The following ANKS1B variants were observed in gnomAD, a reference collection of about 807,000 sequenced individuals.
ANKS1B encodes ankyrin repeat and sterile alpha motif domain containing 1B, also known as ankyrin repeat and sterile alpha motif domain-containing protein 1B.
In ANKS1B, 36 loss-of-function variants were observed where a neutral mutation model predicts 148.3. The ratio of observed to expected loss-of-function variants is 0.24; its 90% CI spans 0.19 to 0.32. The LOEUF is 0.32. Among genes scored for constraint, ANKS1B ranks in the 10% least tolerant of loss-of-function variants. The pLI, the probability that ANKS1B is intolerant of heterozygous loss-of-function variation, is 1.00. For missense variants in ANKS1B, 1,157 were observed against 1,542.6 expected, an observed-to-expected ratio of 0.75 and a Z score of 4.19; for synonymous variants, 542 against 560.8, an observed-to-expected ratio of 0.97 and a Z score of 0.47.
chr12:99,776,511 A>C (rs1435163720), intron 6 of ANKS1B, among the ~76,000 whole-genome samples: 1 of 152,204 alleles, frequency 6.6e-6, no homozygotes. Context: ...CATAAAGAAA[A>C]CAGCATCTGA....
intron 8 of ANKS1B, among the ~76,000 whole-genome samples, chr12:99,695,611 C>T (rs2053773007): frequency 6.6e-6 from 1 of 152,050 alleles, no homozygotes; most frequent in East Asian, 1.9e-4. Flanking sequence ...ATAAGATATG[C>T]CACTTAAAAT....
intron 10 of ANKS1B, among the ~76,000 whole-genome samples, chr12:99,466,401 A>G (rs953990882): frequency 5.9e-5 from 9 of 151,992 alleles, no homozygotes; most frequent in Non-Finnish European, 1.0e-4. Context: ...GAGCAAACAC[A>G]TTCAAAAGCT....
At chr12:99,687,302 T>A (rs1458736664) in intron 8 of ANKS1B, among the ~76,000 whole-genome samples, 1 of 152,144 alleles carries the variant, frequency 6.6e-6, no homozygotes, top group Non-Finnish European at 1.5e-5. Flanking sequence ...TTATTTTAAA[T>A]ATGACTCAAT....
chr12:99,676,681 G>A (rs1032761016), intron 8 of ANKS1B, among the ~76,000 whole-genome samples: 1 of 152,168 alleles, frequency 6.6e-6, no homozygotes, highest in Non-Finnish European at 1.5e-5. Context: ...TTGAGCTTAT[G>A]AAATGCATGC....
intron 12 of ANKS1B, among the ~76,000 whole-genome samples, chr12:99,375,513 A>T (rs2093354938): frequency 6.6e-6 from 1 of 152,314 alleles, no homozygotes; most frequent in East Asian, 1.9e-4. Context: ...TTCATGACTC[A>T]CCTATAGTAA....
chr12:99,252,770 C>T (rs902199895), intron 12 of ANKS1B, among the ~76,000 whole-genome samples: 1 of 152,192 alleles, frequency 6.6e-6, no homozygotes, highest in Non-Finnish European at 1.5e-5. Flanking sequence ...AACAAGACCA[C>T]AGGAAGTAGC....
intron 4 of ANKS1B, among the ~76,000 whole-genome samples, chr12:99,798,164 A>G (rs2066475526): frequency 6.6e-6 from 1 of 151,982 alleles, no homozygotes; most frequent in African/African-American, 2.4e-5. Context: ...ATAATGAGAT[A>G]AAGACCGATT....
intron 15 of ANKS1B, among the ~76,000 whole-genome samples, chr12:99,152,813 TA>T (rs1246469315): frequency 2.0e-5 from 3 of 152,066 alleles, no homozygotes; most frequent in South Asian, 2.1e-4. Context: ...ACATAAATAA[TA>T]AAAAAAGACT....
chr12:99,779,965 A>G lies in ANKS1B; in HGVS notation c.753T>C (p.Asp251=), dbSNP rs1442086975. 1.2e-6 allele frequency: 2 copies of G among 1,608,232 alleles called. No homozygotes were observed. Among genetic ancestry groups the G allele is most frequent in the Non-Finnish European group, 1.7e-6 (2 of 1,178,152 alleles). ...VVRVLLETGI[D]ANIKDSLGRT... ...TACCTAAGCTATCCTTTATGTTGGC[A>G]TCAATTCCTGAAAGAAAAAGAAAAA... is the stretch of plus-strand genomic sequence containing the variant. Residue 251 remains aspartate, a synonymous_variant, in exon 6 of 27, where the codon GAT becomes GAC. Transcript: ENST00000683438.
chr12:99,316,456 G>A (rs1040051790), intron 12 of ANKS1B, among the ~76,000 whole-genome samples: 8 of 152,166 alleles, frequency 5.3e-5, no homozygotes, highest in African/African-American at 1.9e-4. Flanking sequence ...TCTGTTGGGG[G>A]CATAAATGCT....
At chr12:99,953,683 G>C (rs1192618071) in intron 1 of ANKS1B, among the ~76,000 whole-genome samples, 8 of 152,050 alleles carry the variant, frequency 5.3e-5, no homozygotes, top group Admixed American at 5.2e-4. Context: ...GGATAATAAA[G>C]GACTGGAGGA....
At chr12:98,837,411 A>G (rs1048907466) in intron 17 of ANKS1B, among the ~76,000 whole-genome samples, 2 of 152,148 alleles carry the variant, frequency 1.3e-5, no homozygotes, top group Admixed American at 6.5e-5. Flanking sequence ...TATTACAACT[A>G]TTGTAAGAGG....
Position 99,504,460 on chromosome 12 carries a change from G to A in ANKS1B, c.1438+16C>T, listed in dbSNP as rs564362644. The stretch of plus-strand genomic sequence containing the variant: ...AAGTAAATTGAATCAGGCCAATTGT[G>A]AGTAAGAGATATTACCAGTTCTTGG... On this transcript the variant is annotated intron_variant, in intron 10 of 26. Transcript: ENST00000683438. 1.2e-6 allele frequency: 2 copies of A among 1,608,544 alleles called. No individual in the cohort carries two copies. The highest frequency in any genetic ancestry group is 3.4e-5 in the Admixed American group (2 of 58,614).
At chr12:99,175,477 A>G (rs981672694) in intron 14 of ANKS1B, among the ~76,000 whole-genome samples, 2 of 152,216 alleles carry the variant, frequency 1.3e-5, no homozygotes, top group Non-Finnish European at 2.9e-5. Context: ...GTGCATTTAA[A>G]TAAGTTTGTA....
chr12:99,300,504 A>G (rs2081454730), intron 12 of ANKS1B, among the ~76,000 whole-genome samples: 1 of 152,130 alleles, frequency 6.6e-6, no homozygotes, highest in Non-Finnish European at 1.5e-5. Flanking sequence ...GAAAACATAG[A>G]CCAAAGCCCA....
intron 14 of ANKS1B, among the ~76,000 whole-genome samples, chr12:99,229,111 T>G (rs1031446784): frequency 6.6e-6 from 1 of 151,920 alleles, no homozygotes; most frequent in Non-Finnish European, 1.5e-5. Flanking sequence ...CTCAGAGATA[T>G]CCACTGTTAG....
chr12:99,258,613 T>TG (rs1170068526), intron 12 of ANKS1B, among the ~76,000 whole-genome samples: 1 of 150,424 alleles, frequency 6.6e-6, no homozygotes, highest in Non-Finnish European at 1.5e-5. Context: ...TCCACTTGTT[T>TG]TTTTTTTTTT....
chr12:98,889,872 T>G (rs530321211), intron 17 of ANKS1B, among the ~76,000 whole-genome samples: 1 of 152,344 alleles, frequency 6.6e-6, no homozygotes, highest in South Asian at 2.1e-4. Context: ...TACCTGTCAT[T>G]ACTTGAGTCA....
chr12:99,879,642 T>A (rs890969827), intron 1 of ANKS1B, among the ~76,000 whole-genome samples: 2 of 152,198 alleles, frequency 1.3e-5, no homozygotes, highest in African/African-American at 4.8e-5. Context: ...ACATTCTTGC[T>A]GCTAAGTTAT....
Sources: gnomAD v4.1 joint callset for allele counts (sites outside exome capture counted in the v4.1 genomes callset) on GRCh38, gnomAD v4.1.1 for gene constraint, MANE v1.5 for transcripts, NCBI Gene and HGNC (gene_info 2026-07-23, HGNC 2026-07-21) for gene names.